CDK14: variants seen among roughly 807,000 people sequenced by gnomAD.
The protein encoded by CDK14 is cyclin-dependent kinase 14.
In CDK14, 34 loss-of-function variants were observed where a neutral mutation model predicts 60.7. The ratio of observed to expected loss-of-function variants is 0.56; its 90% CI spans 0.43 to 0.75. The LOEUF is 0.75. Ranked by LOEUF, CDK14 falls within the 30% of genes least tolerant of loss-of-function variation. The pLI, the probability that CDK14 is intolerant of heterozygous loss-of-function variation, is 0.00. For synonymous variants in CDK14, 197 were observed against 203.7 expected, an observed-to-expected ratio of 0.97 and a Z score of 0.28; for missense variants, 482 against 564.1, an observed-to-expected ratio of 0.85 and a Z score of 1.47.
At chr7:90,850,027 T>C (rs1790595954) in intron 5 of CDK14, among the ~76,000 whole-genome samples, 1 of 152,096 alleles carries the variant, frequency 6.6e-6, no homozygotes, top group Non-Finnish European at 1.5e-5. Flanking sequence ...TTTTTAGTTA[T>C]AGCATTAATA....
intron 5 of CDK14, among the ~76,000 whole-genome samples, chr7:90,808,154 A>G (rs1788937712): frequency 6.6e-6 from 1 of 152,178 alleles, no homozygotes; most frequent in Admixed American, 6.5e-5. Context: ...ACTCCAAGAC[A>G]CATAATTGTC....
intron 10 of CDK14, among the ~76,000 whole-genome samples, chr7:90,992,081 G>A (rs539724153): frequency 6.6e-6 from 1 of 152,320 alleles, no homozygotes; most frequent in South Asian, 2.1e-4. Context: ...ACATTAGATG[G>A]ATGTTCTAAT....
intron 12 of CDK14, among the ~76,000 whole-genome samples, chr7:91,087,573 G>A (rs1167021730): frequency 6.6e-6 from 1 of 152,034 alleles, no homozygotes; most frequent in Non-Finnish European, 1.5e-5. Context: ...CTTTAAGTAA[G>A]GTAAGGGTAT....
At chr7:91,068,468 C>G (rs981144831) in intron 11 of CDK14, among the ~76,000 whole-genome samples, 4 of 152,192 alleles carry the variant, frequency 2.6e-5, no homozygotes, top group African/African-American at 9.7e-5. Context: ...TTCTGAATTA[C>G]CACAGAAAGA....
intron 7 of CDK14, among the ~76,000 whole-genome samples, chr7:90,910,907 A>G (rs1175832022): frequency 6.6e-6 from 1 of 151,726 alleles, no homozygotes; most frequent in East Asian, 1.9e-4. Context: ...TCCATTGGTT[A>G]TTTTTCCTGA....
intron 6 of CDK14, among the ~76,000 whole-genome samples, chr7:90,871,914 T>G (rs1791384043): frequency 6.6e-6 from 1 of 152,194 alleles, no homozygotes; most frequent in African/African-American, 2.4e-5. Flanking sequence ...GTTTTACAAT[T>G]GGCATATATA....
At chr7:90,691,378 A>C (rs1801549907) in intron 2 of CDK14, among the ~76,000 whole-genome samples, 1 of 152,176 alleles carries the variant, frequency 6.6e-6, no homozygotes, top group Non-Finnish European at 1.5e-5. Context: ...AAGACTTCAC[A>C]GAAAAGATGA....
At chr7:91,124,219 T>G (rs2116400802) in intron 14 of CDK14, among the ~76,000 whole-genome samples, 1 of 152,234 alleles carries the variant, frequency 6.6e-6, no homozygotes, top group African/African-American at 2.4e-5. Flanking sequence ...TGACATAATT[T>G]CATGTCTACA....
chr7:91,133,468 T>C (rs1415916283), intron 14 of CDK14, among the ~76,000 whole-genome samples: 1 of 152,144 alleles, frequency 6.6e-6, no homozygotes, highest in Non-Finnish European at 1.5e-5. Context: ...GTAGACCATT[T>C]AAATATTTTA....
chr7:90,762,211 C>T (rs1022101153), intron 4 of CDK14, among the ~76,000 whole-genome samples: 1 of 152,076 alleles, frequency 6.6e-6, no homozygotes, highest in Non-Finnish European at 1.5e-5. Flanking sequence ...ATGCCAGGCC[C>T]TGAGGTGAGA....
At chr7:90,714,295 CA>C (rs1193050079) in intron 2 of CDK14, among the ~76,000 whole-genome samples, 4 of 152,038 alleles carry the variant, frequency 2.6e-5, no homozygotes, top group African/African-American at 9.7e-5. Flanking sequence ...GCTAAAAATA[CA>C]AAGTTGACAG....
chr7:91,030,905 G>A (rs1228218425), intron 10 of CDK14, among the ~76,000 whole-genome samples: 2 of 152,182 alleles, frequency 1.3e-5, no homozygotes, highest in African/African-American at 4.8e-5. Flanking sequence ...GCTAAGGCTA[G>A]GTGAGACTTC....
At chr7:91,109,094 C>T (rs1475369716) in intron 12 of CDK14, among the ~76,000 whole-genome samples, 1 of 152,000 alleles carries the variant, frequency 6.6e-6, no homozygotes, top group Non-Finnish European at 1.5e-5. Flanking sequence ...AAGTTGTTTA[C>T]CAGCTGTTAT....
At chr7:90,945,905 C>T (rs56155374) in intron 8 of CDK14, among the ~76,000 whole-genome samples, 1 of 152,170 alleles carries the variant, frequency 6.6e-6, no homozygotes, top group Non-Finnish European at 1.5e-5. Flanking sequence ...CTCTTACATA[C>T]TACATCAAAC....
At chr7:90,781,593 A>AT (rs1433200611) in intron 4 of CDK14, among the ~76,000 whole-genome samples, 1 of 148,810 alleles carries the variant, frequency 6.7e-6, no homozygotes, top group Admixed American at 6.8e-5. Flanking sequence ...TAATTTTTGT[A>AT]TAAGGTGTAA....
chr7:90,920,305 G>A (rs73225063), intron 8 of CDK14, among the ~76,000 whole-genome samples: 9,145 of 152,142 alleles, frequency 0.06, 401 homozygotes, highest in South Asian at 0.092. Flanking sequence ...GAACAAAACC[G>A]TAAATTTTTG....
intron 5 of CDK14, among the ~76,000 whole-genome samples, chr7:90,843,711 T>C (rs1790374689): frequency 6.6e-6 from 1 of 152,080 alleles, no homozygotes; most frequent in Non-Finnish European, 1.5e-5. Context: ...CCAGGAGCAG[T>C]GTCTTGGGAA....
At chr7:91,086,093 A>G (rs556931765) in intron 12 of CDK14, among the ~76,000 whole-genome samples, 6 of 152,352 alleles carry the variant, frequency 3.9e-5, no homozygotes, top group Admixed American at 2.6e-4. Context: ...TCGTCAGTGT[A>G]ATACAAATGT....
chr7:90,934,035 C>G (rs1415033462), intron 8 of CDK14, among the ~76,000 whole-genome samples: 1 of 152,260 alleles, frequency 6.6e-6, no homozygotes, highest in Non-Finnish European at 1.5e-5. Flanking sequence ...GCAGGCTGTG[C>G]TAGGCAGACT....
Sources: gnomAD v4.1 joint callset for allele counts (sites outside exome capture counted in the v4.1 genomes callset) on GRCh38, gnomAD v4.1.1 for gene constraint, MANE v1.5 for transcripts, NCBI Gene and HGNC (gene_info 2026-07-23, HGNC 2026-07-21) for gene names.